The following ATP8B2 variants were observed in gnomAD, a reference collection of about 807,000 sequenced individuals.
The protein encoded by ATP8B2 is phospholipid-transporting ATPase ID.
A neutral mutation model predicts 133.4 loss-of-function variants in ATP8B2; 70 were observed. The ratio of observed to expected loss-of-function variants is 0.52; its 90% CI spans 0.43 to 0.64. The LOEUF (loss-of-function observed/expected upper bound fraction) is 0.64. Ranked by LOEUF, ATP8B2 falls within the 30% of genes least tolerant of loss-of-function variation. ATP8B2 has a pLI of 0.00. For missense variants in ATP8B2, 1,101 were observed against 1,535.7 expected (o/e 0.72, Z 4.73); for synonymous variants, 517 against 589.5 (o/e 0.88, Z 1.78).
In ATP8B2 at chr1:154,344,032, A is replaced by G. The variant is rs992293463; in HGVS notation, c.1898A>G (p.Tyr633Cys). The G allele has an allele frequency of 6.2e-7, 1 of 1,614,090 alleles. No individual in the cohort carries two copies. The highest frequency in any genetic ancestry group is 1.1e-5 in the South Asian group (1 of 91,080). Reference sequence around the variant, plus strand: ...CGGGAGGACAGGCTGGCTAGCATCTATGAGGAGGTTGAGAACAACATGATG... The same window carrying G: ...CGGGAGGACAGGCTGGCTAGCATCTGTGAGGAGGTTGAGAACAACATGATG... Reference protein sequence around the residue: ...DSREDRLASIYEEVENNMMLL... With the variant: ...DSREDRLASICEEVENNMMLL... The change falls in exon 18 of 28, where the codon TAT (tyrosine) becomes TGT (cysteine). Residue 633 changes from tyrosine (Y) to cysteine (C), a missense_variant. Transcript: ENST00000368489. This position sits in a 1 kb window ranked among gnomAD's most constrained non-coding sequence, Gnocchi z 4.1.
Position 154,331,302 on chromosome 1 carries a change from G to A in ATP8B2, c.304-142G>A, listed in dbSNP as rs1315296009. ...GATCCATGATGTCTTTTTGCTGAGC[G>A]TGGGGAGAGGGAATCAGGGAGTGAA... On this transcript the variant is annotated intron_variant, in intron 5 of 27. Transcript: ENST00000368489. This position sits in a 1 kb window ranked among gnomAD's most constrained non-coding sequence, Gnocchi z 4.8. 6 of 1,133,530 alleles carry A rather than the reference G, an allele frequency of 5.3e-6. No individual in the cohort carries two copies. The highest frequency in any genetic ancestry group is 2.5e-5 in the East Asian group (1 of 40,724). 70.2% of individuals were successfully genotyped at this position (1,133,530 alleles called of 1,614,324 possible).
Position 154,349,133 on chromosome 1 carries a change from T to C in ATP8B2, c.*15T>C. Reference sequence around the variant, plus strand: ...TCAAGGGCTGAAGGCCGAGGATGGATGCCCTGTGCCAGTGACCAGAGCACC... The same window carrying C: ...TCAAGGGCTGAAGGCCGAGGATGGACGCCCTGTGCCAGTGACCAGAGCACC... On this transcript the variant is annotated 3_prime_UTR_variant, in exon 28 of 28. Coordinates refer to ENST00000368489, the MANE Select transcript of ATP8B2 (RefSeq NM_001370597.1). 6.2e-7 allele frequency: 1 copy of C among 1,608,468 alleles called. No individual in the cohort carries two copies. The highest frequency in any genetic ancestry group is 8.5e-7 in the Non-Finnish European group (1 of 1,175,996).
Position 154,342,805 on chromosome 1 carries a change from C to G in ATP8B2, c.1297C>G (p.Pro433Ala). The change falls in exon 15 of 28, where the codon CCT becomes GCT. Residue 433 changes from proline to alanine, a missense_variant. Pro to Ala is a conservative substitution (Grantham distance 27). Transcript: ENST00000368489. ...HKAELGERPE[P>A]VDFSFNPLAD... ...TTCTTATGTGTTTCAGAGGCCTGAA[C>G]CTGTTGACTTCTCCTTCAATCCTCT... 1 of 1,614,106 alleles carries G rather than the reference C, an allele frequency of 6.2e-7. No individual in the cohort carries two copies. Among genetic ancestry groups the G allele is most frequent in the South Asian group, 1.1e-5 (1 of 91,082 alleles).
rs1288604280 is a variant in ATP8B2 at position 154,350,293 on chromosome 1, A to G, written c.*1175A>G. The G allele has an allele frequency of 6.6e-6, 1 of 152,106 alleles. No individual in the cohort carries two copies. The highest frequency in any genetic ancestry group is 1.5e-5 in the Non-Finnish European group (1 of 68,056). 9.4% of individuals were successfully genotyped at this position (152,106 alleles called of 1,614,324 possible). On this transcript the variant is annotated 3_prime_UTR_variant, in exon 28 of 28. Coordinates refer to ENST00000368489, the MANE Select transcript of ATP8B2 (RefSeq NM_001370597.1). ...ACCATGTTGGCCAGGCTAGTCTTGA[A>G]TTCCTGACCTCCTGACCTGCCCACC...
Position 154,340,518 on chromosome 1 carries a change from A to T in ATP8B2, c.1035-336A>T. 3.8e-6 allele frequency: 1 copy of T among 260,222 alleles called. No individual in the cohort carries two copies. The highest frequency in any genetic ancestry group is 7.9e-6 in the Non-Finnish European group (1 of 126,652). The allele number at this position is 260,222 out of a possible 1,614,324, so 16.1% of individuals were successfully genotyped here. A position where few individuals can be genotyped will look rare whatever the true frequency, so the allele number is the denominator to read the frequency against. On this transcript the variant is annotated intron_variant, in intron 12 of 27. Coordinates refer to ENST00000368489, the MANE Select transcript of ATP8B2 (RefSeq NM_001370597.1). This position sits in a 1 kb window ranked among gnomAD's most constrained non-coding sequence, Gnocchi z 4.0. ...GGCACTTTCTCTTGTTTTTCTCTGCATGGTTTCTGTATTATTAGTCCTGAG... is the reference window on the plus strand; with the variant it reads ...GGCACTTTCTCTTGTTTTTCTCTGCTTGGTTTCTGTATTATTAGTCCTGAG...
rs1403182773 is a variant in ATP8B2, at chr1:154,345,627, C to T, written c.2694+82C>T. 2 of 1,386,980 alleles carry T rather than the reference C, an allele frequency of 1.4e-6. No homozygotes were observed. Among genetic ancestry groups the T allele is most frequent in the Non-Finnish European group, 2.0e-6 (2 of 995,552 alleles). The allele number at this position is 1,386,980 out of a possible 1,614,324, so 85.9% of individuals were successfully genotyped here. A position where few individuals can be genotyped will look rare whatever the true frequency, so the allele number is the denominator to read the frequency against. On this transcript the variant is annotated intron_variant, in intron 23 of 27. Coordinates refer to ENST00000368489, the MANE Select transcript of ATP8B2 (RefSeq NM_001370597.1). This position sits in a 1 kb window ranked among gnomAD's most constrained non-coding sequence, Gnocchi z 5.6. ...TCTGTCTTGTTTATCACTCAGTCCC[C>T]CAGGGCCTAGCTATTTTCTGGTACA...
chr1:154,332,483 A>G (rs1686026881), intron 8 of ATP8B2, 135 bp from the exon 9 acceptor site: 2 of 686,970 alleles, frequency 2.9e-6, no homozygotes, highest in East Asian at 5.4e-5. Context: ...GTTTGAGCCC[A>G]GGAGTTCGAG....
At chr1:154,333,051 T>G (rs1686054006) in intron 9 of ATP8B2, among the ~76,000 whole-genome samples, 1 of 152,204 alleles carries the variant, frequency 6.6e-6, no homozygotes, top group Admixed American at 6.5e-5. Context: ...GGCTCACGCC[T>G]GTAATCCCAG....
chr1:154,328,722 C>A lies in ATP8B2; in HGVS notation c.31+550C>A. The A allele has an allele frequency of 1.1e-6, 1 of 897,762 alleles. No homozygotes were observed. Among genetic ancestry groups the A allele is most frequent in the Non-Finnish European group, 1.3e-6 (1 of 749,124 alleles). The allele number at this position is 897,762 out of a possible 1,614,324, so 55.6% of individuals were successfully genotyped here. A position where few individuals can be genotyped will look rare whatever the true frequency, so the allele number is the denominator to read the frequency against. Reference sequence around the variant, plus strand: ...GGGCGGGGGCGGAACCCTGGGCGTGCTCGGCGTGTCCGGGGCCACTCAGCG... The same window carrying A: ...GGGCGGGGGCGGAACCCTGGGCGTGATCGGCGTGTCCGGGGCCACTCAGCG... On this transcript the variant is annotated intron_variant, in intron 2 of 27. Coordinates refer to ENST00000368489, the MANE Select transcript of ATP8B2 (RefSeq NM_001370597.1). The surrounding 1 kb of genome is among the most constrained non-coding windows in gnomAD (Gnocchi z 4.6).
chr1:154,331,824 T>C lies in ATP8B2; in HGVS notation c.439-130T>C, dbSNP rs1324604051. On this transcript the variant is annotated intron_variant, in intron 7 of 27. Coordinates refer to ENST00000368489, the MANE Select transcript of ATP8B2 (RefSeq NM_001370597.1). The surrounding 1 kb of genome is among the most constrained non-coding windows in gnomAD (Gnocchi z 4.8). ...CAGGGGCTTCTGTGTCATGCTGATA[T>C]GCCTGGAACTAGCCATTTATGCACC... is the stretch of plus-strand genomic sequence containing the variant. 16 of 1,294,694 alleles carry C rather than the reference T, an allele frequency of 1.2e-5. No individual in the cohort carries two copies. The highest frequency in any genetic ancestry group is 1.7e-5 in the Non-Finnish European group (15 of 896,926). The allele number at this position is 1,294,694 out of a possible 1,614,324, so 80.2% of individuals were successfully genotyped here. A position where few individuals can be genotyped will look rare whatever the true frequency, so the allele number is the denominator to read the frequency against.
chr1:154,327,886 C>T (rs748576775), intron 1 of ATP8B2: 5 of 1,606,134 alleles, frequency 3.1e-6, no homozygotes, highest in Middle Eastern at 3.3e-4. Context: ...AAAGTCTCAG[C>T]CCCCCATGTC....
rs115833823 is a variant in ATP8B2, at chr1:154,340,845, C to T, written c.1035-9C>T. On this transcript the variant is annotated splice_polypyrimidine_tract_variant and intron_variant, in intron 12 of 27. Transcript: ENST00000368489. This position sits in a 1 kb window ranked among gnomAD's most constrained non-coding sequence, Gnocchi z 4.0. ...CCGACCCAAGCCTCACCTCTTGTCC[C>T]CTGTGCAGTGTGGAGGTCATCCGTC... 1 of 1,614,026 alleles carries T rather than the reference C, an allele frequency of 6.2e-7. No homozygotes were observed. Among genetic ancestry groups the T allele is most frequent in the Admixed American group, 1.7e-5 (1 of 60,014 alleles).
chr1:154,330,540 G>T, intron 3 of ATP8B2, 86 bp downstream of exon 3: 1 of 1,439,864 alleles, frequency 6.9e-7, no homozygotes, highest in Non-Finnish European at 9.7e-7. Context: ...ACTGAGGGCT[G>T]CCTGGGAAGA....
chr1:154,348,477 T>C lies in ATP8B2; in HGVS notation c.3233T>C (p.Ile1078Thr). 6.2e-7 allele frequency: 1 copy of C among 1,614,144 alleles called. No individual in the cohort carries two copies. The change falls in exon 27 of 28, where the codon ATC becomes ACC. Residue 1078 changes from isoleucine (I) to threonine (T), a missense_variant. Coordinates refer to ENST00000368489, the MANE Select transcript of ATP8B2 (RefSeq NM_001370597.1). Reference sequence around the variant, plus strand: ...ATTGTGCTCACCACAGTCGTCTGCATCATGCCCGTGGTTGCCTTCCGATTC... The same window carrying C: ...ATTGTGCTCACCACAGTCGTCTGCACCATGCCCGTGGTTGCCTTCCGATTC... The part of the protein sequence containing the change: ...LTIVLTTVVC[I>T]MPVVAFRFLR...
chr1:154,337,487 CCTT>C lies in ATP8B2; in HGVS notation c.980_982del (p.Phe327del). ...AGTGCCTTCTTCTCTGGCTTCCTCT[CCTT>C]CTGGTCCTACATCATCATCCTCAAC... On this transcript the variant is annotated inframe_deletion, in exon 12 of 28. Transcript: ENST00000368489. 1.2e-6 allele frequency: 2 copies of C among 1,614,178 alleles called. No homozygotes were observed. The highest frequency in any genetic ancestry group is 1.7e-6 in the Non-Finnish European group (2 of 1,180,034).
Position 154,340,884 on chromosome 1 carries a change from C to G in ATP8B2, c.1065C>G (p.Tyr355Ter). Residue 355 changes from tyrosine (Y) to a stop codon, truncating the protein, a stop_gained, in exon 13 of 28, where the codon TAC becomes TAG. Coordinates refer to ENST00000368489, the MANE Select transcript of ATP8B2 (RefSeq NM_001370597.1). LOFTEE classifies it high-confidence loss of function. This position sits in a 1 kb window ranked among gnomAD's most constrained non-coding sequence, Gnocchi z 4.0. ...SVEVIRLGHS[Y>*]FINWDKKMFC... ...AGGTCATCCGTCTGGGCCACAGCTA[C>G]TTCATCAACTGGGATAAGAAGATGT... 6.2e-7 allele frequency: 1 copy of G among 1,614,200 alleles called. No individual in the cohort carries two copies. The highest frequency in any genetic ancestry group is 8.5e-7 in the Non-Finnish European group (1 of 1,180,036).
intron 14 of ATP8B2, 51 bp from the exon 15 acceptor site, chr1:154,342,745 G>A (rs1256059837): frequency 1.3e-6 from 2 of 1,589,830 alleles, no homozygotes; most frequent in African/African-American, 1.3e-5. Flanking sequence ...CCTTCCCCGG[G>A]ATGCAGCCTG....
chr1:154,347,826 G>A (rs1324861192), intron 26 of ATP8B2, among the ~76,000 whole-genome samples: 1 of 151,756 alleles, frequency 6.6e-6, no homozygotes, highest in East Asian at 1.9e-4. Flanking sequence ...TGTAATCCCA[G>A]CTACTTGGGA....
intron 1 of ATP8B2, among the ~76,000 whole-genome samples, chr1:154,327,596 C>T (rs1431756256): frequency 1.3e-5 from 2 of 152,060 alleles, no homozygotes; most frequent in Non-Finnish European, 2.9e-5. Context: ...ATAATGGAAG[C>T]CCTAGTAATG....
Sources: allele counts gnomAD v4.1 joint callset (sites outside exome capture counted in the v4.1 genomes callset), GRCh38; gene constraint gnomAD v4.1.1; non-coding constraint Gnocchi (gnomAD v3.1); transcripts MANE v1.5; gene names NCBI Gene and HGNC (gene_info 2026-07-23, HGNC 2026-07-21).